The following UGT2B7 variants were observed in gnomAD, a reference collection of about 807,000 sequenced individuals.
UGT2B7 encodes UDP-glucuronosyltransferase 2B7.
UGT2B7 carries 51 observed loss-of-function variants against 51.9 expected under a neutral mutation model. That is an observed-to-expected ratio of 0.98 (90% CI 0.78 to 1.24). The LOEUF is 1.24. Ranked by LOEUF, UGT2B7 falls within the 50% of genes most tolerant of loss-of-function variation. UGT2B7 has a pLI of 0.00. For missense variants in UGT2B7, 727 were observed against 628.4 expected (o/e 1.16, Z -1.68); for synonymous variants, 225 against 211.6 (o/e 1.06, Z -0.55).
intron 1 of UGT2B7, among the ~76,000 whole-genome samples, chr4:69,064,021 A>G (rs947578098): frequency 2.6e-4 from 9 of 34,874 alleles, no homozygotes; most frequent in African/African-American, 1.4e-3. Flanking sequence ...ATGAGATGGG[A>G]AAGAAAGAAA....
chr4:69,066,188 T>G (rs1259315215), intron 1 of UGT2B7, among the ~76,000 whole-genome samples: 1 of 152,196 alleles, frequency 6.6e-6, no homozygotes, highest in Non-Finnish European at 1.5e-5. Flanking sequence ...AACTTTTAAG[T>G]TCAGGCGTAC....
chr4:69,073,091 C>T (rs184504459), intron 1 of UGT2B7, among the ~76,000 whole-genome samples: 6 of 152,154 alleles, frequency 3.9e-5, no homozygotes, highest in Admixed American at 6.6e-5. Context: ...GACATACTAG[C>T]GGGTTGGATT....
At chr4:69,066,746 A>G (rs914302203) in intron 1 of UGT2B7, among the ~76,000 whole-genome samples, 1 of 152,136 alleles carries the variant, frequency 6.6e-6, no homozygotes, top group Non-Finnish European at 1.5e-5. Context: ...GTTACCTTTC[A>G]CAAAATTTTT....
chr4:69,088,661 C>T (rs942207532), intron 1 of UGT2B7, among the ~76,000 whole-genome samples: 2 of 152,144 alleles, frequency 1.3e-5, no homozygotes, highest in African/African-American at 4.8e-5. Context: ...ACTGGTCAGA[C>T]TCCTCAGCGT....
At chr4:69,098,510 A>T in intron 1 of UGT2B7, 30 bp from the exon 2 acceptor site, 2 of 1,541,020 alleles carry the variant, frequency 1.3e-6, no homozygotes, top group Non-Finnish European at 1.7e-6. Context: ...ATCTTGTGTC[A>T]TCCACCTTTT....
chr4:69,108,801 A>G (rs1339536981), intron 5 of UGT2B7, among the ~76,000 whole-genome samples: 4 of 152,100 alleles, frequency 2.6e-5, no homozygotes, highest in Non-Finnish European at 5.9e-5. Context: ...TAAAATCCAA[A>G]TATATTTAGT....
Position 69,096,732 on chromosome 4 carries a change from C to T in UGT2B7, c.212C>T (p.Ala71Val). Residue 71 changes from alanine to valine, a missense_variant, in exon 1 of 6, where the codon GCT becomes GTT. Coordinates refer to ENST00000305231, the MANE Select transcript of UGT2B7 (RefSeq NM_001074.4). ...CTTTTTGATCCCAACAACTCATCCGCTCTTAAAATTGAAATTTATCCCACA... is the reference window on the plus strand; with the variant it reads ...CTTTTTGATCCCAACAACTCATCCGTTCTTAAAATTGAAATTTATCCCACA... ...SILFDPNNSSALKIEIYPTSL... is the reference protein window; with the variant it reads ...SILFDPNNSSVLKIEIYPTSL... 1.2e-6 allele frequency: 2 copies of T among 1,613,986 alleles called. No individual in the cohort carries two copies. The highest frequency in any genetic ancestry group is 2.2e-5 in the South Asian group (2 of 91,082).
At chr4:69,097,876 T>G (rs1322424075) in intron 1 of UGT2B7, among the ~76,000 whole-genome samples, 2 of 152,052 alleles carry the variant, frequency 1.3e-5, no homozygotes, top group Admixed American at 1.3e-4. Context: ...TACATAGTTT[T>G]TTGAAACTAT....
intron 3 of UGT2B7, among the ~76,000 whole-genome samples, chr4:69,103,280 T>A (rs1430839131): frequency 6.6e-6 from 1 of 152,182 alleles, no homozygotes; most frequent in Admixed American, 6.5e-5. Context: ...TAGATTGAAC[T>A]CTTCATAGCT....
chr4:69,057,456 C>T (rs752377090), intron 1 of UGT2B7, among the ~76,000 whole-genome samples: 15 of 152,180 alleles, frequency 9.9e-5, no homozygotes, highest in Non-Finnish European at 1.2e-4. Flanking sequence ...ATTGACACTA[C>T]TGAAAACAGT....
At chr4:69,052,446 G>C (rs958986853) in intron 1 of UGT2B7, among the ~76,000 whole-genome samples, 1 of 151,718 alleles carries the variant, frequency 6.6e-6, no homozygotes, top group African/African-American at 2.4e-5. Context: ...TTCAACAAAA[G>C]TGAAGTTTGC....
At position 69,090,732 on chromosome 4, in the gene UGT2B7, C is replaced by T. The variant is rs73823855; in HGVS notation, c.-27+1129C>T. Among the ~76,000 whole-genome samples, 416 of 152,140 alleles carry T rather than the reference C, an allele frequency of 2.7e-3. 1 individual carries two copies. The highest frequency in any genetic ancestry group is 0.014 in the East Asian group (70 of 5,172). On this transcript the variant is annotated intron_variant, in intron 2 of 5. Transcript: ENST00000502942. ...ATAAACCATATCAGGCCATTATGAT[C>T]GCCTGTTTTGGTTACAAACACACAT...
intron 4 of UGT2B7, among the ~76,000 whole-genome samples, chr4:69,107,584 G>A (rs1471037012): frequency 6.6e-6 from 1 of 151,642 alleles, no homozygotes. Flanking sequence ...TTCCTCTCCC[G>A]CAGGGTTATT....
At chr4:69,091,257 T>C (rs1319343217) in intron 2 of UGT2B7, among the ~76,000 whole-genome samples, 1 of 152,224 alleles carries the variant, frequency 6.6e-6, no homozygotes, top group East Asian at 1.9e-4. Context: ...TATTATCAGC[T>C]AATTAGTCGG....
intron 1 of UGT2B7, among the ~76,000 whole-genome samples, chr4:69,072,001 C>T (rs1577911286): frequency 6.6e-6 from 1 of 152,034 alleles, no homozygotes; most frequent in South Asian, 2.1e-4. Context: ...ATTCATAGAC[C>T]ATATAGCTAG....
chr4:69,088,776 C>T (rs1029323541), intron 1 of UGT2B7, among the ~76,000 whole-genome samples: 5 of 152,096 alleles, frequency 3.3e-5, no homozygotes, highest in Non-Finnish European at 7.4e-5. Flanking sequence ...GGTCATTCAA[C>T]TCTATAGCCA....
intron 1 of UGT2B7, among the ~76,000 whole-genome samples, chr4:69,055,098 TAAAAAAAAAAAA>T (rs1178892377): frequency 1.3e-4 from 3 of 22,562 alleles, no homozygotes; most frequent in African/African-American, 2.0e-4. Flanking sequence ...AAGTAATAGC[TAAAAAAAAAAAA>T]AAAAAAAAAA....
chr4:69,051,637 C>G (rs1367812677), intron 1 of UGT2B7: 1 of 152,354 alleles, frequency 6.6e-6, no homozygotes, highest in African/African-American at 2.4e-5. Context: ...CCCACTCCAC[C>G]TGAGTGGAAG....
intron 1 of UGT2B7, among the ~76,000 whole-genome samples, chr4:69,069,084 A>T (rs1405355708): frequency 1.3e-5 from 2 of 149,198 alleles, no homozygotes; most frequent in Non-Finnish European, 3.0e-5. Flanking sequence ...ACAATAAAAA[A>T]ACTTGGAACA....
Sources: allele counts gnomAD v4.1 joint callset (sites outside exome capture counted in the v4.1 genomes callset), GRCh38; gene constraint gnomAD v4.1.1; transcripts MANE v1.5; gene names NCBI Gene and HGNC (gene_info 2026-07-23, HGNC 2026-07-21).